Variants in UST observed in about 807,000 individuals in gnomAD.
The protein encoded by UST is chondroitin sulfate 2-O-sulfotransferase.
UST carries 21 observed loss-of-function variants against 45.6 expected under a neutral mutation model. The observed-to-expected ratio is 0.46, with a 90% confidence interval of 0.33 to 0.66. The LOEUF is 0.66. UST is among the 30% of genes least tolerant of loss of function. The pLI is 0.02. For synonymous variants in UST, 215 were observed against 200.6 expected, an observed-to-expected ratio of 1.07 and a Z score of -0.61; for missense variants, 463 against 512.4, an observed-to-expected ratio of 0.90 and a Z score of 0.93.
intron 4 of UST, 44 bp downstream of exon 4, chr6:148,953,995 T>A: frequency 6.9e-7 from 1 of 1,454,810 alleles, no homozygotes; most frequent in Non-Finnish European, 9.5e-7. Context: ...TTTCTTCTAA[T>A]GAACAGTTAC....
intron 1 of UST, among the ~76,000 whole-genome samples, chr6:148,810,760 A>G (rs939188247): frequency 4.6e-5 from 7 of 152,210 alleles, no homozygotes; most frequent in African/African-American, 1.7e-4. Context: ...TAAAATTATT[A>G]CTACCAGCAC....
chr6:148,971,020 C>T (rs963979987), intron 5 of UST, among the ~76,000 whole-genome samples: 1 of 152,182 alleles, frequency 6.6e-6, no homozygotes, highest in Non-Finnish European at 1.5e-5. Context: ...ACACCTTCGA[C>T]GTCCATTATT....
At chr6:148,894,407 A>T (rs1178476000) in intron 2 of UST, among the ~76,000 whole-genome samples, 1 of 152,220 alleles carries the variant, frequency 6.6e-6, no homozygotes. Context: ...ATTTGGACAC[A>T]GAGATAGAGA....
chr6:148,905,079 A>G (rs2114869482), intron 2 of UST, among the ~76,000 whole-genome samples: 1 of 152,372 alleles, frequency 6.6e-6, no homozygotes, highest in African/African-American at 2.4e-5. Flanking sequence ...ATAGGAAGTA[A>G]TGATTTCCCA....
chr6:149,036,687 C>T (rs1384023940), intron 7 of UST, among the ~76,000 whole-genome samples: 3 of 152,162 alleles, frequency 2.0e-5, no homozygotes, highest in South Asian at 2.1e-4. Flanking sequence ...ATCAAACTAC[C>T]GTAGCACTGC....
In UST at chr6:148,993,988, G is replaced by A. The variant is rs1176755873; in HGVS notation, c.682-25151G>A. On this transcript the variant is annotated intron_variant, in intron 5 of 7. Coordinates refer to ENST00000367463, the MANE Select transcript of UST (RefSeq NM_005715.3). ...TTTTTTTTTTTTTTTTTTTTTTGTT[G>A]AGACAGAATCTCACTCTGTCACCCA... Among the ~76,000 whole-genome samples, 7 of 30,484 alleles carry A rather than the reference G, an allele frequency of 2.3e-4. No individual in the cohort carries two copies. The Admixed American group carries it at 3.0e-3, about 13-fold the overall frequency. 20.0% of individuals were successfully genotyped at this position (30,484 alleles called of 152,430 possible). A position where few individuals can be genotyped will look rare whatever the true frequency, so the allele number is the denominator to read the frequency against.
chr6:148,819,450 G>A (rs886654742), intron 1 of UST, among the ~76,000 whole-genome samples: 2 of 152,126 alleles, frequency 1.3e-5, no homozygotes, highest in African/African-American at 2.4e-5. Context: ...ACTGTGACTC[G>A]AATCGGACTG....
At chr6:148,940,895 A>C (rs1250729264) in intron 2 of UST, among the ~76,000 whole-genome samples, 1 of 152,244 alleles carries the variant, frequency 6.6e-6, no homozygotes, top group Non-Finnish European at 1.5e-5. Context: ...AGAGTTCTGG[A>C]ATTCCACTCC....
intron 4 of UST, among the ~76,000 whole-genome samples, chr6:148,961,372 C>G (rs1158496412): frequency 6.6e-6 from 1 of 152,120 alleles, no homozygotes; most frequent in East Asian, 1.9e-4. Context: ...AGTGTATGCA[C>G]TACTTAGAAC....
At chr6:148,765,666 G>A (rs1776307806) in intron 1 of UST, among the ~76,000 whole-genome samples, 1 of 152,174 alleles carries the variant, frequency 6.6e-6, no homozygotes, top group Non-Finnish European at 1.5e-5. Context: ...TATTGATTGG[G>A]GAAGTGATAA....
At chr6:148,894,752 A>ATTTGAT (rs1350248536) in intron 2 of UST, among the ~76,000 whole-genome samples, 2 of 146,908 alleles carry the variant, frequency 1.4e-5, no homozygotes, top group African/African-American at 2.5e-5. Flanking sequence ...TTTAGGCATT[A>ATTTGAT]TTTGATTTGA....
At chr6:148,843,202 G>C (rs1777920505) in intron 1 of UST, among the ~76,000 whole-genome samples, 1 of 152,200 alleles carries the variant, frequency 6.6e-6, no homozygotes, top group South Asian at 2.1e-4. Context: ...CTTCTGAATG[G>C]CTCCATTTCC....
chr6:148,796,134 T>A (rs1233487216), intron 1 of UST, among the ~76,000 whole-genome samples: 1 of 152,270 alleles, frequency 6.6e-6, no homozygotes, highest in East Asian at 1.9e-4. Flanking sequence ...TAGTTTTGAA[T>A]CCTCATCCTC....
intron 1 of UST, among the ~76,000 whole-genome samples, chr6:148,842,198 G>A (rs563623332): frequency 4.6e-5 from 7 of 152,286 alleles, no homozygotes; most frequent in African/African-American, 1.4e-4. Context: ...CTGCCATTAC[G>A]GTATAGAAAG....
chr6:149,049,739 T>G lies in UST; in HGVS notation c.938-24094T>G, dbSNP rs551432696. Among the ~76,000 whole-genome samples the G allele has an allele frequency of 5.9e-5, 9 of 152,274 alleles. 1 individual carries two copies. The highest frequency in any genetic ancestry group is 1.9e-4 in the African/African-American group (8 of 41,560). On this transcript the variant is annotated intron_variant, in intron 7 of 7. Transcript: ENST00000367463. The stretch of plus-strand genomic sequence containing the variant: ...AAAATGGGGCAAGTAAAGAACATCA[T>G]TCTCGAGGGGGCAGCACAGTTGTGT...
intron 1 of UST, among the ~76,000 whole-genome samples, chr6:148,798,622 C>T (rs935672552): frequency 6.6e-6 from 1 of 151,996 alleles, no homozygotes; most frequent in African/African-American, 2.4e-5. Flanking sequence ...AAGTGATGAG[C>T]CTCAAAAGGA....
At chr6:148,940,572 G>A (rs1780106718) in intron 2 of UST, among the ~76,000 whole-genome samples, 1 of 152,134 alleles carries the variant, frequency 6.6e-6, no homozygotes, top group African/African-American at 2.4e-5. Context: ...TATGTTGTTG[G>A]TAGGAATATA....
intron 3 of UST, among the ~76,000 whole-genome samples, chr6:148,950,758 A>C (rs1780348386): frequency 6.6e-6 from 1 of 152,246 alleles, no homozygotes; most frequent in South Asian, 2.1e-4. Flanking sequence ...CTGAATGTAG[A>C]GAGAGGTGCT....
At chr6:149,007,493 G>A (rs139442046) in intron 5 of UST, among the ~76,000 whole-genome samples, 1 of 150,782 alleles carries the variant, frequency 6.6e-6, no homozygotes, top group African/African-American at 2.4e-5. Flanking sequence ...GTAGAGACGG[G>A]GTTTCACCAT....
Sources: gnomAD v4.1 joint callset for allele counts (sites outside exome capture counted in the v4.1 genomes callset) on GRCh38, gnomAD v4.1.1 for gene constraint, MANE v1.5 for transcripts, NCBI Gene and HGNC (gene_info 2026-07-23, HGNC 2026-07-21) for gene names.